Variants in CFAP251 observed in about 807,000 individuals in gnomAD.
The protein encoded by CFAP251 is cilia- and flagella-associated protein 251.
Under a neutral mutation model 126.7 loss-of-function variants are expected in CFAP251, and 93 were observed. That is an observed-to-expected ratio of 0.73 (90% CI 0.62 to 0.87). CFAP251 has a LOEUF of 0.87. CFAP251 is among the 40% of genes least tolerant of loss of function. The pLI is 0.00. For missense variants in CFAP251, 1,287 were observed against 1,389.2 expected (o/e 0.93, Z 1.17); for synonymous variants, 503 against 506.9 (o/e 0.99, Z 0.10).
At chr12:121,930,319 T>C (rs1216575758) in intron 3 of CFAP251, among the ~76,000 whole-genome samples, 1 of 152,052 alleles carries the variant, frequency 6.6e-6, no homozygotes, top group Non-Finnish European at 1.5e-5. Context: ...AAACCCTGTT[T>C]CTACTAGAAA....
intron 21 of CFAP251, among the ~76,000 whole-genome samples, 188 bp from the exon 22 acceptor site, chr12:122,003,464 T>C (rs1254715868): frequency 1.3e-5 from 2 of 152,110 alleles, no homozygotes; most frequent in African/African-American, 4.8e-5. Flanking sequence ...TCCCAGCTAC[T>C]TGGGAGGCTG....
chr12:121,979,563 C>CTTCTTTTTTTTTTTTT (rs751383402), intron 19 of CFAP251, among the ~76,000 whole-genome samples: 1 of 84,978 alleles, frequency 1.2e-5, no homozygotes, highest in East Asian at 4.3e-4. Flanking sequence ...CTTTCTTCTT[C>CTTCTTTTTTTTTTTTT]TTTTTTTTTT....
intron 19 of CFAP251, chr12:121,998,434 T>C (rs970251381): frequency 4.5e-3 from 1 of 222 alleles, no homozygotes; most frequent in Non-Finnish European, 0.011. Flanking sequence ...TTTAGTGTAA[T>C]ATATATATAT....
rs371486114 is a variant in CFAP251 at position 121,923,977 on chromosome 12, C to T, written c.734C>T (p.Pro245Leu). 2.1e-5 allele frequency: 33 copies of T among 1,608,890 alleles called. No homozygotes were observed. In the African/African-American group the frequency reaches 2.3e-4, roughly 11 times the overall value. The change falls in exon 3 of 22, where the codon CCG (proline) becomes CTG (leucine). Residue 245 changes from proline (P) to leucine (L), a missense_variant. By Grantham distance (98) the Pro-to-Leu change is moderately conservative. Coordinates refer to ENST00000288912, the MANE Select transcript of CFAP251 (RefSeq NM_144668.6). ...DILFQKDKSTPVYPLTMTWSF... is the reference protein window; with the variant it reads ...DILFQKDKSTLVYPLTMTWSF... ...CTGTTTCAAAAGGATAAAAGCACCC[C>T]GGTGTATCCCTTGGTAAGTGTAATG...
Position 121,951,536 on chromosome 12 carries a change from T to C in CFAP251, c.1320+6T>C. On this transcript the variant is annotated splice_donor_region_variant and intron_variant, in intron 9 of 21. Coordinates refer to ENST00000288912, the MANE Select transcript of CFAP251 (RefSeq NM_144668.6). ...CCCCACTTTTAACTGAAAAAGTGAG[T>C]ATGCCTATTGCATTTTTGTCCATCA... is the stretch of plus-strand genomic sequence containing the variant. 6.3e-7 allele frequency: 1 copy of C among 1,582,920 alleles called. No homozygotes were observed. The highest frequency in any genetic ancestry group is 2.3e-5 in the East Asian group (1 of 44,386).
intron 19 of CFAP251, chr12:121,992,656 C>T: frequency 3.2e-6 from 1 of 311,820 alleles, no homozygotes; most frequent in Non-Finnish European, 4.7e-6. Flanking sequence ...CGGCTCAGTG[C>T]AGCCTCCACC....
intron 15 of CFAP251, among the ~76,000 whole-genome samples, chr12:121,962,625 C>T (rs762969750): frequency 2.0e-5 from 3 of 147,896 alleles, no homozygotes; most frequent in Non-Finnish European, 3.0e-5. Flanking sequence ...TACATGTTGG[C>T]GGGGGCAGGT....
intron 17 of CFAP251, chr12:121,970,110 C>T (rs1882283472): frequency 5.8e-6 from 2 of 342,242 alleles, no homozygotes; most frequent in South Asian, 1.2e-4. Flanking sequence ...AATCCCCTCA[C>T]ATTCGATCAT....
At chr12:121,972,339 T>C (rs534434153) in intron 17 of CFAP251, among the ~76,000 whole-genome samples, 1 of 152,316 alleles carries the variant, frequency 6.6e-6, no homozygotes, top group South Asian at 2.1e-4. Flanking sequence ...GCTGAGGTGG[T>C]CTCAGATGGA....
intron 19 of CFAP251, among the ~76,000 whole-genome samples, chr12:121,979,832 C>T (rs11611991): frequency 6.6e-6 from 1 of 152,214 alleles, no homozygotes; most frequent in South Asian, 2.1e-4. Flanking sequence ...TCTCAAAGTG[C>T]TGGGATTACA....
chr12:122,003,064 A>G (rs1395638036), intron 21 of CFAP251, among the ~76,000 whole-genome samples: 12 of 152,158 alleles, frequency 7.9e-5, no homozygotes, highest in Admixed American at 7.9e-4. Context: ...GTTCCCAGGC[A>G]TCTTGAAACA....
chr12:121,969,472 C>T, intron 17 of CFAP251: 1 of 985,366 alleles, frequency 1.0e-6, no homozygotes, highest in Non-Finnish European at 1.2e-6. Context: ...TGGGGACAAG[C>T]AGAACCTTCC....
At chr12:121,978,393 C>CAAAGAAAAAAA (rs780955131) in intron 19 of CFAP251, among the ~76,000 whole-genome samples, 2 of 42,120 alleles carry the variant, frequency 4.7e-5, no homozygotes, top group African/African-American at 2.8e-4. Context: ...GACTCTGTCT[C>CAAAGAAAAAAA]AAAAAAAAAA....
intron 19 of CFAP251, chr12:121,996,899 T>C (rs557301076): frequency 6.6e-6 from 1 of 152,302 alleles, no homozygotes; most frequent in South Asian, 2.1e-4. Flanking sequence ...GAGGGTGTTT[T>C]TAAGTTCTTG....
At chr12:121,924,118 G>GT (rs746802191) in intron 3 of CFAP251, 128 bp downstream of exon 3, 62,946 of 1,001,862 alleles carry the variant, frequency 0.063, 19 homozygotes, top group Middle Eastern at 0.073. Context: ...ATAGACTTGT[G>GT]TTTTTTTTTT....
intron 12 of CFAP251, 131 bp downstream of exon 12, chr12:121,958,653 C>T (rs956971364): frequency 7.2e-7 from 1 of 1,397,726 alleles, no homozygotes; most frequent in African/African-American, 1.4e-5. Context: ...GAGGCGCCTT[C>T]TCTCTGGGGC....
At chr12:121,980,647 C>T (rs1206926955) in intron 19 of CFAP251, among the ~76,000 whole-genome samples, 1 of 152,184 alleles carries the variant, frequency 6.6e-6, no homozygotes, top group African/African-American at 2.4e-5. Flanking sequence ...CGCTCCCTGA[C>T]CTCATTTCCT....
chr12:121,920,050 G>A (rs1274664044), intron 1 of CFAP251, among the ~76,000 whole-genome samples: 1 of 151,826 alleles, frequency 6.6e-6, no homozygotes, highest in Non-Finnish European at 1.5e-5. Context: ...TGGGTGTGGT[G>A]GCAGACGCCT....
intron 19 of CFAP251, among the ~76,000 whole-genome samples, chr12:121,979,906 C>T (rs548225136): frequency 2.6e-5 from 4 of 152,166 alleles, no homozygotes; most frequent in Non-Finnish European, 4.4e-5. Context: ...AAACCTAAGT[C>T]GACCCATTTT....
Sources: allele counts gnomAD v4.1 joint callset (sites outside exome capture counted in the v4.1 genomes callset), GRCh38; gene constraint gnomAD v4.1.1; transcripts MANE v1.5; gene names NCBI Gene and HGNC (gene_info 2026-07-23, HGNC 2026-07-21).